Variants in GALNT2 observed in about 807,000 individuals in gnomAD.
GALNT2 encodes the protein polypeptide N-acetylgalactosaminyltransferase 2, also known as UDP-GalNAc:polypeptide N-acetylgalactosaminyltransferase 2.
In GALNT2, 31 loss-of-function variants were observed where a neutral mutation model predicts 81.4. That is an observed-to-expected ratio of 0.38 (90% CI 0.29 to 0.51). GALNT2 has a LOEUF of 0.51. Ranked by LOEUF, GALNT2 falls within the 20% of genes least tolerant of loss-of-function variation. The pLI is 0.87. For missense variants in GALNT2, 629 were observed against 765.7 expected (o/e 0.82, Z 2.11); for synonymous variants, 303 against 287.4 (o/e 1.05, Z -0.55).
intron 1 of GALNT2, among the ~76,000 whole-genome samples, chr1:230,127,405 A>G (rs1343590278): frequency 1.3e-5 from 2 of 151,816 alleles, no homozygotes; most frequent in South Asian, 2.1e-4. Context: ...GAGTTGGAGT[A>G]TCGCACTCTC....
intron 14 of GALNT2, among the ~76,000 whole-genome samples, chr1:230,269,592 A>G (rs1326689763): frequency 6.6e-6 from 1 of 152,122 alleles, no homozygotes; most frequent in African/African-American, 2.4e-5. Context: ...AGAGCTAACA[A>G]GTGATTCTAA....
chr1:230,102,303 T>G (rs1466239734), intron 1 of GALNT2, among the ~76,000 whole-genome samples: 2 of 152,294 alleles, frequency 1.3e-5, no homozygotes, highest in East Asian at 3.9e-4. Context: ...TCAGTAACCC[T>G]TGGCCTAATG....
chr1:230,102,270 C>T (rs1011641962), intron 1 of GALNT2, among the ~76,000 whole-genome samples: 1 of 152,146 alleles, frequency 6.6e-6, no homozygotes, highest in African/African-American at 2.4e-5. Context: ...CAGTGCCTTG[C>T]GAGGGCCCGG....
chr1:230,209,587 AT>A (rs1188022505), intron 3 of GALNT2, among the ~76,000 whole-genome samples: 2 of 152,220 alleles, frequency 1.3e-5, no homozygotes, highest in Non-Finnish European at 2.9e-5. Flanking sequence ...CATGCCTGTA[AT>A]CCCAGCACTT....
At chr1:230,068,062 C>G (rs1366519120) in intron 1 of GALNT2, among the ~76,000 whole-genome samples, 1 of 152,242 alleles carries the variant, frequency 6.6e-6, no homozygotes, top group East Asian at 1.9e-4. Flanking sequence ...CAGCGTTACC[C>G]TCTGCCCAAC....
intron 1 of GALNT2, among the ~76,000 whole-genome samples, chr1:230,083,808 G>A (rs557130676): frequency 3.9e-5 from 6 of 152,254 alleles, no homozygotes; most frequent in Non-Finnish European, 8.8e-5. Flanking sequence ...GTAAAACTCT[G>A]TAAGAAAGGG....
chr1:230,109,811 C>T (rs937223941), intron 1 of GALNT2, among the ~76,000 whole-genome samples: 11 of 148,580 alleles, frequency 7.4e-5, no homozygotes, highest in African/African-American at 2.7e-4. Flanking sequence ...GCCTGGGCAA[C>T]AAGAGCGAAA....
At chr1:230,176,365 A>G (rs1466115749) in intron 1 of GALNT2, among the ~76,000 whole-genome samples, 1 of 152,212 alleles carries the variant, frequency 6.6e-6, no homozygotes, top group African/African-American at 2.4e-5. Flanking sequence ...TTTTACATGT[A>G]GAAAATATGC....
intron 13 of GALNT2, chr1:230,263,324 C>T: frequency 3.0e-6 from 1 of 329,610 alleles, no homozygotes; most frequent in Non-Finnish European, 5.8e-6. Flanking sequence ...TGGTGTCTGA[C>T]AGGCTCTTCG....
intron 1 of GALNT2, among the ~76,000 whole-genome samples, chr1:230,068,049 C>T (rs1659254952): frequency 6.6e-6 from 1 of 152,238 alleles, no homozygotes; most frequent in South Asian, 2.1e-4. Context: ...TCCCTTGCGG[C>T]CCCAGCGTTA....
chr1:230,074,561 G>C (rs1659475150), intron 1 of GALNT2, among the ~76,000 whole-genome samples: 1 of 152,152 alleles, frequency 6.6e-6, no homozygotes, highest in Admixed American at 6.5e-5. Context: ...AATTGCCCTT[G>C]GTAGAGAACC....
chr1:230,135,633 G>C (rs967065457), intron 1 of GALNT2, among the ~76,000 whole-genome samples: 14 of 152,098 alleles, frequency 9.2e-5, no homozygotes, highest in Non-Finnish European at 2.1e-4. Context: ...AGTCTGGCAG[G>C]CTCGGCTCTG....
At chr1:230,175,566 C>G (rs1662944086) in intron 1 of GALNT2, among the ~76,000 whole-genome samples, 1 of 109,644 alleles carries the variant, frequency 9.1e-6, no homozygotes. Flanking sequence ...TCCTTCCCCT[C>G]CTCCTCTGCC....
chr1:230,141,183 T>C (rs1661718984), intron 1 of GALNT2, among the ~76,000 whole-genome samples: 1 of 152,208 alleles, frequency 6.6e-6, no homozygotes, highest in Admixed American at 6.5e-5. Flanking sequence ...TTGTTGACAG[T>C]GTGTCCTGGA....
intron 1 of GALNT2, among the ~76,000 whole-genome samples, chr1:230,142,187 G>A (rs546505682): frequency 8.5e-5 from 13 of 152,224 alleles, no homozygotes; most frequent in Admixed American, 2.0e-4. Context: ...GAAGGAGAAC[G>A]GTGGCATCCC....
intron 14 of GALNT2, among the ~76,000 whole-genome samples, chr1:230,268,770 G>A (rs867538847): frequency 1.3e-5 from 2 of 152,174 alleles, no homozygotes; most frequent in Non-Finnish European, 1.5e-5. Context: ...CTGCCCTCAG[G>A]AGGACAGCCT....
intron 3 of GALNT2, among the ~76,000 whole-genome samples, chr1:230,205,669 G>T (rs1360416612): frequency 6.6e-6 from 1 of 152,156 alleles, no homozygotes; most frequent in East Asian, 1.9e-4. Flanking sequence ...AAGTGTTGAG[G>T]CCGAAGCTGT....
chr1:230,256,319 G>A (rs1056735983), intron 11 of GALNT2, among the ~76,000 whole-genome samples: 4 of 152,042 alleles, frequency 2.6e-5, no homozygotes, highest in Non-Finnish European at 5.9e-5. Context: ...AGTGGCAGGC[G>A]CCTATAATCC....
chr1:230,128,147 G>T (rs1441557405), intron 1 of GALNT2, among the ~76,000 whole-genome samples: 1 of 152,130 alleles, frequency 6.6e-6, no homozygotes, highest in African/African-American at 2.4e-5. Flanking sequence ...CCCCCAGAAG[G>T]CCTCTTAGTA....
Sources: gnomAD v4.1 joint callset for allele counts (sites outside exome capture counted in the v4.1 genomes callset) on GRCh38, gnomAD v4.1.1 for gene constraint, MANE v1.5 for transcripts, NCBI Gene and HGNC (gene_info 2026-07-23, HGNC 2026-07-21) for gene names.